LTF: variants seen among roughly 807,000 people sequenced by gnomAD.
LTF encodes the protein epididymis luminal protein 110.
A neutral mutation model predicts 87.2 loss-of-function variants in LTF; 91 were observed. That is an observed-to-expected ratio of 1.04 (90% CI 0.88 to 1.24). The LOEUF (loss-of-function observed/expected upper bound fraction) is 1.24. Among genes scored for constraint, LTF ranks in the 50% most tolerant of loss-of-function variants. The pLI is 0.00. For synonymous variants in LTF, 378 were observed against 356.1 expected, an observed-to-expected ratio of 1.06 and a Z score of -0.69; for missense variants, 901 against 904.3, an observed-to-expected ratio of 1.00 and a Z score of 0.05.
At chr3:46,451,860 G>A (rs1389857453) in intron 6 of LTF, among the ~76,000 whole-genome samples, 1 of 152,206 alleles carries the variant, frequency 6.6e-6, no homozygotes, top group Admixed American at 6.5e-5. Flanking sequence ...CTCCCAAAGT[G>A]CTGGGATTAC....
At chr3:46,444,283 G>A (rs977582049) in intron 12 of LTF, among the ~76,000 whole-genome samples, 2 of 152,166 alleles carry the variant, frequency 1.3e-5, no homozygotes, top group African/African-American at 4.8e-5. Context: ...ACCCCATATT[G>A]TCTTCATACC....
intron 4 of LTF, among the ~76,000 whole-genome samples, 158 bp downstream of exon 4, chr3:46,455,638 G>A (rs1478167995): frequency 6.6e-6 from 1 of 152,212 alleles, no homozygotes; most frequent in African/African-American, 2.4e-5. Flanking sequence ...AGGGCTGCTA[G>A]GGTAACGGAT....
intron 6 of LTF, among the ~76,000 whole-genome samples, chr3:46,453,458 C>G (rs1183279784): frequency 6.6e-6 from 1 of 151,510 alleles, no homozygotes; most frequent in Non-Finnish European, 1.5e-5. Context: ...CTGGTGGCCT[C>G]TGATGAATGC....
intron 1 of LTF, among the ~76,000 whole-genome samples, chr3:46,482,647 AGAAAGAAAGAAAGAAG>A (rs1490660941): frequency 6.1e-4 from 63 of 102,670 alleles, no homozygotes; most frequent in African/African-American, 1.6e-3. Flanking sequence ...AAAGAAAGAA[AGAAAGAAAGAAAGAAG>A]GAAGGAAGGA....
At position 46,456,334 on chromosome 3, in the gene LTF, T is replaced by G; in HGVS notation, c.272A>C (p.Tyr91Ser). ...TTCCGCCGCTACAGGTCGCAGTTTG[T>G]AGGGGGCCAGGCCTGCCTCGTATAT... The part of the protein sequence containing the change: ...GFIYEAGLAP[Y>S]KLRPVAAEVY... The change falls in exon 3 of 17, where the codon TAC (tyrosine) becomes TCC (serine). Residue 91 changes from tyrosine (Y) to serine (S), a missense_variant. Physicochemically the swap from Tyr to Ser is moderately radical, Grantham distance 144 (BLOSUM62 -2). Coordinates refer to ENST00000231751, the MANE Select transcript of LTF (RefSeq NM_002343.6). The G allele has an allele frequency of 1.9e-6, 3 of 1,614,128 alleles. No individual in the cohort carries two copies. The highest frequency in any genetic ancestry group is 1.7e-6 in the Non-Finnish European group (2 of 1,180,006).
Position 46,437,980 on chromosome 3 carries a change from A to G in LTF, c.2058T>C (p.Tyr686=). Residue 686 remains tyrosine, a synonymous_variant, in exon 16 of 17, where the codon TAT becomes TAC. Transcript: ENST00000231751. Reference sequence around the variant, plus strand: ...TTTTCAGATTAGTAATGCCTGCGACATACTGTGGTCCCAAATATTTTTCAT... The same window carrying G: ...TTTTCAGATTAGTAATGCCTGCGACGTACTGTGGTCCCAAATATTTTTCAT... ...TTYEKYLGPQ[Y]VAGITNLKKC... 1.2e-6 allele frequency: 2 copies of G among 1,614,078 alleles called. No homozygotes were observed. The highest frequency in any genetic ancestry group is 1.7e-6 in the Non-Finnish European group (2 of 1,180,022).
chr3:46,470,836 A>G (rs1415019241), intron 1 of LTF, among the ~76,000 whole-genome samples: 1 of 152,224 alleles, frequency 6.6e-6, no homozygotes, highest in East Asian at 1.9e-4. Context: ...CTCCATATGT[A>G]AAAAAGAGAC....
At chr3:46,453,862 C>T (rs868493471) in intron 6 of LTF, among the ~76,000 whole-genome samples, 4 of 152,146 alleles carry the variant, frequency 2.6e-5, no homozygotes, top group East Asian at 3.8e-4. Flanking sequence ...ATGTATTCCA[C>T]GGAACACTCC....
chr3:46,466,432 A>T (rs1352543725), upstream of LTF, among the ~76,000 whole-genome samples: 1 of 152,250 alleles, frequency 6.6e-6, no homozygotes, highest in Non-Finnish European at 1.5e-5. Context: ...CCTGGAGCAG[A>T]TAGGCAATGC....
chr3:46,435,962 G>A lies in LTF; in HGVS notation c.*233C>T, dbSNP rs1702375832. The A allele has an allele frequency of 1.8e-6, 1 of 565,320 alleles. No homozygotes were observed. The highest frequency in any genetic ancestry group is 3.2e-6 in the Non-Finnish European group (1 of 316,960). The allele number at this position is 565,320 out of a possible 1,614,324, so 35.0% of individuals were successfully genotyped here. ...ACTGTACAGGTATTTTGTCAGGCATGTGATTTCAGTATAAAATTCTAGAAA... is the reference window on the plus strand; with the variant it reads ...ACTGTACAGGTATTTTGTCAGGCATATGATTTCAGTATAAAATTCTAGAAA... On this transcript the variant is annotated 3_prime_UTR_variant, in exon 17 of 17. Transcript: ENST00000231751.
At chr3:46,449,105 C>A in intron 8 of LTF, 88 bp from the exon 9 acceptor site, 1 of 1,266,034 alleles carries the variant, frequency 7.9e-7, no homozygotes, top group South Asian at 1.4e-5. Context: ...TGCCCAGACT[C>A]TCCCTGGAAC....
At chr3:46,439,725 T>A (rs1285659393) in intron 14 of LTF, among the ~76,000 whole-genome samples, 1 of 152,202 alleles carries the variant, frequency 6.6e-6, no homozygotes, top group Non-Finnish European at 1.5e-5. Context: ...TTCTGGTACA[T>A]CCTGCAATAT....
chr3:46,443,651 G>T (rs1702577438), intron 12 of LTF, 69 bp from the exon 13 acceptor site: 1 of 1,526,464 alleles, frequency 6.6e-7, no homozygotes. Context: ...TTACCTAACA[G>T]CCGATGCAGG....
chr3:46,461,252 A>G (rs1703074459), intron 1 of LTF, among the ~76,000 whole-genome samples: 1 of 152,268 alleles, frequency 6.6e-6, no homozygotes, highest in Non-Finnish European at 1.5e-5. Context: ...CAGCTTCTCA[A>G]AATGTGAAGC....
Position 46,435,663 on chromosome 3 carries a change from T to C in LTF, c.*532A>G, listed in dbSNP as rs1003816652. 6.5e-6 allele frequency: 1 copy of C among 154,942 alleles called. No individual in the cohort carries two copies. The highest frequency in any genetic ancestry group is 1.4e-5 in the Non-Finnish European group (1 of 69,846). The allele number at this position is 154,942 out of a possible 1,614,324, so 9.6% of individuals were successfully genotyped here. On this transcript the variant is annotated 3_prime_UTR_variant, in exon 17 of 17. Transcript: ENST00000231751. ...AAAGTCACTTTATACCAAACCTAGC[T>C]CTTGTTAATTAGACTCTGCAAGTGA...
chr3:46,465,991 C>G (rs1703205523), upstream of LTF, among the ~76,000 whole-genome samples: 2 of 152,200 alleles, frequency 1.3e-5, no homozygotes, highest in Admixed American at 6.5e-5. Flanking sequence ...GTAATCCCAG[C>G]ACTTTGGGAG....
chr3:46,454,508 G>T, intron 5 of LTF, 148 bp from the exon 6 acceptor site: 1 of 744,696 alleles, frequency 1.3e-6, no homozygotes, highest in Non-Finnish European at 2.4e-6. Flanking sequence ...AGCTGGGAAG[G>T]TAGGGGCCCC....
intron 13 of LTF, among the ~76,000 whole-genome samples, chr3:46,442,769 T>C (rs574425106): frequency 2.0e-5 from 3 of 152,224 alleles, no homozygotes; most frequent in African/African-American, 7.2e-5. Flanking sequence ...CGCCATCTGG[T>C]CGTGAAATGT....
rs566855817 is a variant in LTF at position 46,448,206 on chromosome 3, TAA to T, written c.1212+655_1212+656del. On this transcript the variant is annotated intron_variant, in intron 9 of 16. Coordinates refer to ENST00000231751, the MANE Select transcript of LTF (RefSeq NM_002343.6). Reference sequence around the variant, plus strand: ...AAGCGAGACCCTGTCGCTACAATAATAATAATAATAATTATGCAGGTGTGGTG... The same window carrying T: ...AAGCGAGACCCTGTCGCTACAATAATTAATAATAATTATGCAGGTGTGGTG... Among the ~76,000 whole-genome samples the T allele has an allele frequency of 2.8e-3, 427 of 152,094 alleles. 2 individuals are homozygous for T. Among genetic ancestry groups the T allele is most frequent in the Admixed American group, 4.6e-3 (71 of 15,274 alleles).
Sources: gnomAD v4.1 joint callset for allele counts (sites outside exome capture counted in the v4.1 genomes callset) on GRCh38, gnomAD v4.1.1 for gene constraint, MANE v1.5 for transcripts, NCBI Gene and HGNC (gene_info 2026-07-23, HGNC 2026-07-21) for gene names.